The following SLFN12L variants were observed in gnomAD, a reference collection of about 807,000 sequenced individuals.
The protein encoded by SLFN12L is schlafen family member 12 like.
Under a neutral mutation model 34.8 loss-of-function variants are expected in SLFN12L, and 34 were observed. The observed-to-expected ratio is 0.98, with a 90% CI of 0.74 to 1.30. The LOEUF (loss-of-function observed/expected upper bound fraction) is 1.30. SLFN12L is among the 50% of genes most tolerant of loss of function. The pLI is 0.00. For synonymous variants in SLFN12L, 259 were observed against 247.5 expected (o/e 1.05, Z -0.44); for missense variants, 703 against 696.2 (o/e 1.01, Z -0.11).
At chr17:35,535,082 A>C (rs1227996170) in intron 1 of SLFN12L, among the ~76,000 whole-genome samples, 1 of 152,172 alleles carries the variant, frequency 6.6e-6, no homozygotes, top group African/African-American at 2.4e-5. Flanking sequence ...CAATGAGGAA[A>C]CTGAGGTTGG....
chr17:35,496,016 G>A (rs1915056416), intron 2 of SLFN12L, among the ~76,000 whole-genome samples: 1 of 151,854 alleles, frequency 6.6e-6, no homozygotes, highest in African/African-American at 2.4e-5. Flanking sequence ...CCAGGAAACC[G>A]AGACCGATGC....
intron 2 of SLFN12L, chr17:35,498,146 A>C (rs1329069303): frequency 3.2e-6 from 2 of 616,522 alleles, no homozygotes; most frequent in East Asian, 2.8e-5. Flanking sequence ...AGCAGAGACG[A>C]CGGAGGCGGA....
intron 4 of SLFN12L, 68 bp downstream of exon 4, chr17:35,478,007 T>TGGTTTGAAGAGAAGGA: frequency 1.1e-6 from 1 of 913,482 alleles, no homozygotes; most frequent in South Asian, 1.6e-5. Context: ...AAGACAGAGC[T>TGGTTTGAAGAGAAGGA]GGTTTGAAGA....
In SLFN12L at chr17:35,469,365, T is replaced by C. The variant is rs536534639; in HGVS notation, c.*5558A>G. The stretch of plus-strand genomic sequence containing the variant: ...TATATATATATATGTATTTCAAACT[T>C]TTAACCCACTTTAAAACTCCACCAA... On this transcript the variant is annotated 3_prime_UTR_variant, in exon 5 of 5. Transcript: ENST00000628453. Among the ~76,000 whole-genome samples, 10 of 146,898 alleles carry C rather than the reference T, an allele frequency of 6.8e-5. No individual in the cohort carries two copies. In the South Asian group the frequency reaches 2.1e-3, roughly 31 times the overall value.
At chr17:35,478,355 T>A (rs941016383) in intron 3 of SLFN12L, 170 bp from the exon 4 acceptor site, 20 of 468,428 alleles carry the variant, frequency 4.3e-5, no homozygotes, top group Admixed American at 3.1e-4. Flanking sequence ...CTAGGTCAGA[T>A]ACAAATTGTA....
intron 1 of SLFN12L, among the ~76,000 whole-genome samples, chr17:35,528,737 A>C (rs1411092204): frequency 6.6e-6 from 1 of 152,240 alleles, no homozygotes. Context: ...AACCATAAAA[A>C]TCCTAGAAGG....
intron 2 of SLFN12L, among the ~76,000 whole-genome samples, chr17:35,495,458 A>T (rs1311059375): frequency 6.6e-6 from 1 of 152,206 alleles, no homozygotes; most frequent in African/African-American, 2.4e-5. Context: ...AGTAACATAT[A>T]AAGCAATAGA....
In SLFN12L at chr17:35,466,745, C is replaced by T. The variant is rs1366107039; in HGVS notation, c.*8178G>A. On this transcript the variant is annotated 3_prime_UTR_variant, in exon 5 of 5. Transcript: ENST00000628453. ...AGACCCATTGGTGCCTGCATTGATT[C>T]CTTTACTGAAGAGACTTTAACAAGC... Among the ~76,000 whole-genome samples, 3 of 152,206 alleles carry T rather than the reference C, an allele frequency of 2.0e-5. No individual in the cohort carries two copies. The highest frequency in any genetic ancestry group is 7.2e-5 in the African/African-American group (3 of 41,448).
intron 2 of SLFN12L, among the ~76,000 whole-genome samples, chr17:35,494,962 G>T (rs1017976098): frequency 4.6e-5 from 7 of 151,198 alleles, no homozygotes; most frequent in African/African-American, 1.7e-4. Context: ...CTGGAGTGCA[G>T]TGGCTGGATC....
At chr17:35,528,852 T>C (rs1000255750) in intron 1 of SLFN12L, among the ~76,000 whole-genome samples, 2 of 152,122 alleles carry the variant, frequency 1.3e-5, no homozygotes, top group Non-Finnish European at 2.9e-5. Context: ...TGGGATCTAA[T>C]TAAACTAAAG....
chr17:35,532,162 C>T (rs531403233), intron 1 of SLFN12L, among the ~76,000 whole-genome samples: 2 of 152,288 alleles, frequency 1.3e-5, no homozygotes, highest in South Asian at 4.1e-4. Context: ...AAAATAGGCA[C>T]AGGCCGCGCA....
chr17:35,537,276 A>G (rs747697648), intron 1 of SLFN12L, among the ~76,000 whole-genome samples: 1 of 152,110 alleles, frequency 6.6e-6, no homozygotes, highest in Non-Finnish European at 1.5e-5. Flanking sequence ...AGAACCCTCT[A>G]CATCTCTTTC....
At chr17:35,517,599 T>C (rs942989178) in intron 2 of SLFN12L, among the ~76,000 whole-genome samples, 4 of 152,318 alleles carry the variant, frequency 2.6e-5, no homozygotes, top group Middle Eastern at 3.4e-3. Flanking sequence ...AAGACAATCC[T>C]AAGCAAAAAG....
chr17:35,517,956 C>A (rs993620557), intron 2 of SLFN12L, among the ~76,000 whole-genome samples: 4 of 152,082 alleles, frequency 2.6e-5, no homozygotes, highest in Non-Finnish European at 5.9e-5. Context: ...AAAAGAAAAC[C>A]TAGGCAATAC....
At position 35,468,076 on chromosome 17, in the gene SLFN12L, A is replaced by AT; in HGVS notation, c.*6846dup. ...AGGCACACACTACCACGCCCAGCTA[A>AT]TTTTTTATGTTTTTTGTAGAGACAG... On this transcript the variant is annotated 3_prime_UTR_variant, in exon 5 of 5. Coordinates refer to ENST00000628453, the MANE Select transcript of SLFN12L (RefSeq NM_001363830.2). 6.6e-6 allele frequency among the ~76,000 whole-genome samples: 1 copy of AT among 151,986 alleles called. No individual in the cohort carries two copies. The highest frequency in any genetic ancestry group is 2.4e-5 in the African/African-American group (1 of 41,366).
chr17:35,477,873 A>G (rs1914108038), intron 4 of SLFN12L: 1 of 405,688 alleles, frequency 2.5e-6, no homozygotes, highest in Non-Finnish European at 4.4e-6. Context: ...ATATTCACAC[A>G]CTGCCTGAAC....
chr17:35,479,287 A>C lies in SLFN12L; in HGVS notation c.995T>G (p.Leu332Arg), dbSNP rs1914180974. Residue 332 changes from leucine to arginine, a missense_variant, in exon 3 of 5, where the codon CTT (leucine) becomes CGT (arginine). Leu to Arg is a moderately radical substitution (Grantham distance 102). Coordinates refer to ENST00000628453, the MANE Select transcript of SLFN12L (RefSeq NM_001363830.2). ...AAGCCTTCCTTTATCATATACTCCA[A>C]GGAATTTGCATAAGTAATTTATCGT... ...KGTINYLCKFLGVYDKGRLCG... is the reference protein window; with the variant it reads ...KGTINYLCKFRGVYDKGRLCG... The C allele has an allele frequency of 6.3e-7, 1 of 1,590,480 alleles. No homozygotes were observed. The highest frequency in any genetic ancestry group is 1.3e-5 in the African/African-American group (1 of 74,162).
At chr17:35,520,080 C>T (rs1202034213) in intron 2 of SLFN12L, among the ~76,000 whole-genome samples, 1 of 152,010 alleles carries the variant, frequency 6.6e-6, no homozygotes, top group South Asian at 2.1e-4. Flanking sequence ...AGAATTGAGT[C>T]ACGCGTCCCT....
chr17:35,477,453 G>C (rs989715176), intron 4 of SLFN12L, among the ~76,000 whole-genome samples: 1 of 152,118 alleles, frequency 6.6e-6, no homozygotes, highest in Non-Finnish European at 1.5e-5. Flanking sequence ...AAAACTGCTA[G>C]GGAGAATATG....
Sources: gnomAD v4.1 joint callset for allele counts (sites outside exome capture counted in the v4.1 genomes callset) on GRCh38, gnomAD v4.1.1 for gene constraint, MANE v1.5 for transcripts, NCBI Gene and HGNC (gene_info 2026-07-23, HGNC 2026-07-21) for gene names.